Variants in C9 observed in about 807,000 individuals in gnomAD.
The protein encoded by C9 is complement component C9.
C9 carries 63 observed loss-of-function variants against 65.4 expected under a neutral mutation model. The observed-to-expected ratio is 0.96, with a 90% CI of 0.79 to 1.19. C9 has a LOEUF of 1.19. C9 is among the 50% of genes most tolerant of loss of function. The probability of loss-of-function intolerance (pLI) is 0.00; values close to 1 mark genes in which losing one functional copy is unlikely to be tolerated. For missense variants in C9, 744 were observed against 670.1 expected (o/e 1.11, Z -1.22); for synonymous variants, 229 against 227.9 (o/e 1.00, Z -0.04).
chr5:39,337,427 A>G (rs886217597), intron 4 of C9, among the ~76,000 whole-genome samples: 1 of 152,242 alleles, frequency 6.6e-6, no homozygotes, highest in Non-Finnish European at 1.5e-5. Context: ...TACTACAGAG[A>G]CAGCCAGTCT....
intron 4 of C9, among the ~76,000 whole-genome samples, chr5:39,336,478 T>TA (rs1228975026): frequency 1.3e-5 from 2 of 152,162 alleles, no homozygotes; most frequent in African/African-American, 4.8e-5. Flanking sequence ...GTCTAAGTAT[T>TA]AAAAATTCTT....
intron 9 of C9, among the ~76,000 whole-genome samples, chr5:39,300,085 TG>T (rs1325888421): frequency 6.6e-6 from 1 of 152,120 alleles, no homozygotes; most frequent in African/African-American, 2.4e-5. Context: ...CAATAGAGCC[TG>T]GTACACTGCA....
intron 5 of C9, 40 bp from the exon 6 acceptor site, chr5:39,316,069 G>A (rs534776481): frequency 7.3e-5 from 112 of 1,531,806 alleles, no homozygotes; most frequent in Non-Finnish European, 9.6e-5. Flanking sequence ...AACAAGATAC[G>A]AAACAAAAGG....
chr5:39,298,066 G>A (rs1270683473), intron 9 of C9, among the ~76,000 whole-genome samples: 3 of 151,560 alleles, frequency 2.0e-5, no homozygotes, highest in African/African-American at 7.3e-5. Context: ...CCACATTTCT[G>A]AATAACCCAT....
intron 9 of C9, among the ~76,000 whole-genome samples, chr5:39,291,602 A>C (rs1275896231): frequency 6.6e-6 from 1 of 151,802 alleles, no homozygotes; most frequent in Non-Finnish European, 1.5e-5. Flanking sequence ...ATAATTTTGC[A>C]GCTAGGTATT....
intron 9 of C9, among the ~76,000 whole-genome samples, chr5:39,295,876 A>G (rs1294540365): frequency 6.6e-6 from 1 of 151,666 alleles, no homozygotes; most frequent in East Asian, 1.9e-4. Context: ...GGAAATTAAT[A>G]TATCTATCTA....
intron 9 of C9, among the ~76,000 whole-genome samples, chr5:39,305,583 A>T (rs565526821): frequency 6.6e-6 from 1 of 152,306 alleles, no homozygotes; most frequent in African/African-American, 2.4e-5. Context: ...GTAGAAAAAA[A>T]GCACTTACTA....
At chr5:39,331,108 G>A (rs1753831361) in intron 5 of C9, among the ~76,000 whole-genome samples, 1 of 152,122 alleles carries the variant, frequency 6.6e-6, no homozygotes, top group African/African-American at 2.4e-5. Flanking sequence ...TCCTTTTAAT[G>A]GTGGAGGGCT....
chr5:39,325,870 A>G (rs1359909820), intron 5 of C9, among the ~76,000 whole-genome samples: 1 of 152,164 alleles, frequency 6.6e-6, no homozygotes, highest in East Asian at 1.9e-4. Context: ...TTTGATTCAA[A>G]TAATCTCCTT....
intron 1 of C9, among the ~76,000 whole-genome samples, chr5:39,344,014 C>T (rs561589549): frequency 2.2e-4 from 33 of 152,190 alleles, no homozygotes; most frequent in African/African-American, 6.7e-4. Flanking sequence ...ACACCAGAAC[C>T]CCATCTGTAC....
At chr5:39,327,022 A>C (rs1445070113) in intron 5 of C9, among the ~76,000 whole-genome samples, 1 of 152,206 alleles carries the variant, frequency 6.6e-6, no homozygotes, top group Non-Finnish European at 1.5e-5. Flanking sequence ...AAAGGGTGAG[A>C]TAGCAACCAA....
chr5:39,364,003 G>C (rs182063970), intron 1 of C9, among the ~76,000 whole-genome samples: 1 of 152,180 alleles, frequency 6.6e-6, no homozygotes, highest in Non-Finnish European at 1.5e-5. Context: ...AATGTTAAAG[G>C]TGTCAGGCAT....
chr5:39,361,002 G>A (rs902174953), intron 1 of C9, among the ~76,000 whole-genome samples: 3 of 151,974 alleles, frequency 2.0e-5, no homozygotes, highest in Admixed American at 1.3e-4. Context: ...TTTCTAGTGC[G>A]AAAGATTGGA....
rs149534520 is a variant in C9, at chr5:39,354,551, A to G, written c.77+9837T>C. Among the ~76,000 whole-genome samples, 10 of 152,350 alleles carry G rather than the reference A, an allele frequency of 6.6e-5. No individual in the cohort carries two copies. In the East Asian group the frequency reaches 1.9e-3, roughly 29 times the overall value. On this transcript the variant is annotated intron_variant, in intron 1 of 10. Coordinates refer to ENST00000263408, the MANE Select transcript of C9 (RefSeq NM_001737.5). ...TCAAGTAGGTGTAGGAGTACTCATT[A>G]TATCATTACCCAAGATTGAAACCAC...
intron 1 of C9, among the ~76,000 whole-genome samples, chr5:39,343,349 G>A (rs939208048): frequency 2.1e-4 from 32 of 152,322 alleles, no homozygotes; most frequent in African/African-American, 3.4e-4. Context: ...CTTTTCCAAC[G>A]GTCTTAGCAA....
chr5:39,348,239 C>G (rs981455718), intron 1 of C9, among the ~76,000 whole-genome samples: 2 of 152,166 alleles, frequency 1.3e-5, no homozygotes, highest in African/African-American at 2.4e-5. Flanking sequence ...AGGCAACCTA[C>G]AGAATGGGAG....
chr5:39,333,271 C>T (rs887151590), intron 4 of C9, among the ~76,000 whole-genome samples: 5 of 152,180 alleles, frequency 3.3e-5, no homozygotes, highest in Non-Finnish European at 5.9e-5. Flanking sequence ...ATACTTCCCT[C>T]CCTAGTGGCT....
chr5:39,315,737 A>G (rs1057201528), intron 6 of C9, 38 bp downstream of exon 6: 13 of 1,481,612 alleles, frequency 8.8e-6, no homozygotes, highest in Non-Finnish European at 1.2e-5. Context: ...GGTAGTTTGG[A>G]ACCTTTCTAT....
At chr5:39,358,664 A>C (rs936717178) in intron 1 of C9, among the ~76,000 whole-genome samples, 2 of 152,136 alleles carry the variant, frequency 1.3e-5, no homozygotes, top group African/African-American at 4.8e-5. Context: ...GGAGATAGCG[A>C]AAAGCAATCA....
Sources: allele counts gnomAD v4.1 joint callset (sites outside exome capture counted in the v4.1 genomes callset), GRCh38; gene constraint gnomAD v4.1.1; transcripts MANE v1.5; gene names NCBI Gene and HGNC (gene_info 2026-07-23, HGNC 2026-07-21).